Variants in NRG1 observed in about 807,000 individuals in gnomAD.
NRG1 encodes the protein pro-neuregulin-1, membrane-bound isoform.
Under a neutral mutation model 63.8 loss-of-function variants are expected in NRG1, and 18 were observed. The ratio of observed to expected loss-of-function variants is 0.28; its 90% CI spans 0.19 to 0.42. NRG1 has a LOEUF of 0.42. Ranked by LOEUF, NRG1 falls within the 10% of genes least tolerant of loss-of-function variation. The pLI is 1.00. For synonymous variants in NRG1, 302 were observed against 301.3 expected (o/e 1.00, Z -0.02); for missense variants, 762 against 814.7 (o/e 0.94, Z 0.79).
intron 5 of NRG1, among the ~76,000 whole-genome samples, chr8:32,662,945 A>G (rs550175711): frequency 6.6e-6 from 1 of 152,286 alleles, no homozygotes; most frequent in South Asian, 2.1e-4. Context: ...CCTCCTGTAA[A>G]TCAATACGGC....
chr8:32,027,353 T>C (rs2130376998), intron 1 of NRG1, among the ~76,000 whole-genome samples: 1 of 152,190 alleles, frequency 6.6e-6, no homozygotes, highest in South Asian at 2.1e-4. Context: ...GAGCTGGGTG[T>C]CTCTATTTTT....
chr8:32,037,394 G>A (rs1342321316), intron 1 of NRG1, among the ~76,000 whole-genome samples: 6 of 152,190 alleles, frequency 3.9e-5, no homozygotes, highest in Non-Finnish European at 7.3e-5. Context: ...AAGTCTCACC[G>A]ACTCAGGAGG....
At chr8:32,535,894 C>A (rs112366842) in intron 1 of NRG1, among the ~76,000 whole-genome samples, 2 of 152,242 alleles carry the variant, frequency 1.3e-5, no homozygotes, top group African/African-American at 4.8e-5. Context: ...AAAATGCCTG[C>A]CCAAATCCAC....
intron 1 of NRG1, among the ~76,000 whole-genome samples, chr8:32,333,214 T>C (rs1015680202): frequency 2.0e-5 from 3 of 152,188 alleles, no homozygotes; most frequent in Admixed American, 1.3e-4. Flanking sequence ...ATGGAACTCA[T>C]TGGTGTTTCA....
intron 5 of NRG1, among the ~76,000 whole-genome samples, chr8:32,636,880 G>C (rs1023240927): frequency 6.6e-6 from 1 of 152,080 alleles, no homozygotes; most frequent in African/African-American, 2.4e-5. Flanking sequence ...AAAAGTAGTA[G>C]GGGAAAGAGG....
intron 1 of NRG1, chr8:32,287,331 T>G (rs1194695854): frequency 2.0e-5 from 3 of 152,214 alleles, no homozygotes; most frequent in African/African-American, 7.2e-5. Context: ...CACACCTTGA[T>G]GGAGGAGATG....
chr8:32,154,139 C>A (rs1221907953), intron 1 of NRG1, among the ~76,000 whole-genome samples: 1 of 152,152 alleles, frequency 6.6e-6, no homozygotes, highest in Non-Finnish European at 1.5e-5. Context: ...AAGCAGCAGG[C>A]AGTGGAAGAG....
intron 1 of NRG1, among the ~76,000 whole-genome samples, chr8:31,890,416 C>T (rs1470103832): frequency 2.6e-5 from 4 of 151,556 alleles, no homozygotes; most frequent in African/African-American, 4.9e-5. Flanking sequence ...GGAAACCTTC[C>T]AAAAGGAAAA....
chr8:32,761,100 G>C (rs1830606785), intron 11 of NRG1: 3 of 473,624 alleles, frequency 6.3e-6, no homozygotes, highest in African/African-American at 4.3e-5. Flanking sequence ...GGTTGGGGGA[G>C]TTATAGCAAA....
chr8:31,837,143 A>C (rs569389287), intron 1 of NRG1, among the ~76,000 whole-genome samples: 1 of 152,178 alleles, frequency 6.6e-6, no homozygotes, highest in South Asian at 2.1e-4. Context: ...TTTTATATAT[A>C]AGACAAAATA....
At chr8:32,732,635 G>C (rs1823977810) in intron 6 of NRG1, among the ~76,000 whole-genome samples, 1 of 151,950 alleles carries the variant, frequency 6.6e-6, no homozygotes, top group African/African-American at 2.4e-5. Context: ...CAGGGAGTCA[G>C]TGAAATTAAA....
intron 1 of NRG1, among the ~76,000 whole-genome samples, chr8:32,281,795 A>G (rs1852882658): frequency 7.1e-6 from 1 of 140,994 alleles, no homozygotes; most frequent in African/African-American, 2.9e-5. Flanking sequence ...AGCCTGGGCA[A>G]CATAGTGAGA....
intron 5 of NRG1, among the ~76,000 whole-genome samples, chr8:32,638,788 T>G (rs1490727533): frequency 6.6e-6 from 1 of 152,188 alleles, no homozygotes; most frequent in Non-Finnish European, 1.5e-5. Flanking sequence ...CAATTTTCTG[T>G]AAACAGAAAA....
At chr8:31,984,654 T>C (rs1480277966) in intron 1 of NRG1, among the ~76,000 whole-genome samples, 2 of 152,076 alleles carry the variant, frequency 1.3e-5, no homozygotes, top group African/African-American at 4.8e-5. Context: ...CCAACACTTA[T>C]TGGGAACCCA....
At chr8:31,954,068 A>G (rs540576950) in intron 1 of NRG1, among the ~76,000 whole-genome samples, 46 of 151,642 alleles carry the variant, frequency 3.0e-4, no homozygotes, top group African/African-American at 1.1e-3. Flanking sequence ...GGAAGATCAA[A>G]TTAGGAAAAA....
chr8:31,837,267 GCCAATCTTT>G (rs1825763645), intron 1 of NRG1, among the ~76,000 whole-genome samples: 1 of 151,908 alleles, frequency 6.6e-6, no homozygotes, highest in African/African-American at 2.4e-5. Context: ...AAACAGATAT[GCCAATCTTT>G]CCTTTTATAG....
intron 1 of NRG1, among the ~76,000 whole-genome samples, chr8:32,503,756 G>A (rs1828170634): frequency 6.6e-6 from 1 of 152,106 alleles, no homozygotes; most frequent in Non-Finnish European, 1.5e-5. Context: ...TTCAGCTGAC[G>A]GACATACGCA....
At chr8:32,651,482 CTTAGA>C (rs1005140559) in intron 5 of NRG1, among the ~76,000 whole-genome samples, 6 of 152,000 alleles carry the variant, frequency 3.9e-5, no homozygotes, top group African/African-American at 2.4e-5. Context: ...AGATTGCAAA[CTTAGA>C]TTATCATAAA....
intron 1 of NRG1, among the ~76,000 whole-genome samples, chr8:32,156,835 C>G (rs1838136468): frequency 6.6e-6 from 1 of 152,086 alleles, no homozygotes; most frequent in South Asian, 2.1e-4. Flanking sequence ...ACTCTGGAGG[C>G]TGAGGTGAGA....
Sources: gnomAD v4.1 joint callset for allele counts (sites outside exome capture counted in the v4.1 genomes callset) on GRCh38, gnomAD v4.1.1 for gene constraint, MANE v1.5 for transcripts, NCBI Gene and HGNC (gene_info 2026-07-23, HGNC 2026-07-21) for gene names.